CSRNP2: variants seen among roughly 807,000 people sequenced by gnomAD.
CSRNP2 encodes the protein cysteine and serine rich nuclear protein 2, also known as cysteine/serine-rich nuclear protein 2.
CSRNP2 carries 11 observed loss-of-function variants against 36.6 expected under a neutral mutation model. That is an observed-to-expected ratio of 0.30 (90% CI 0.19 to 0.50). The LOEUF is 0.50. CSRNP2 is among the 20% of genes least tolerant of loss of function. CSRNP2 has a pLI of 0.98. For synonymous variants in CSRNP2, 248 were observed against 275.3 expected, an observed-to-expected ratio of 0.90 and a Z score of 0.98; for missense variants, 483 against 691.4, an observed-to-expected ratio of 0.70 and a Z score of 3.38.
chr12:51,074,360 G>A (rs796899055), intron 2 of CSRNP2, among the ~76,000 whole-genome samples: 16 of 152,144 alleles, frequency 1.1e-4, no homozygotes, highest in Non-Finnish European at 1.5e-4. Flanking sequence ...CAGGTGATCC[G>A]CCCGCCCCGG....
chr12:51,065,991 C>T (rs1283390819), intron 4 of CSRNP2, among the ~76,000 whole-genome samples: 1 of 152,172 alleles, frequency 6.6e-6, no homozygotes, highest in Non-Finnish European at 1.5e-5. Flanking sequence ...TTGCTGTTTT[C>T]AACTGAAATG....
chr12:51,078,467 G>C (rs1939485810), intron 1 of CSRNP2, among the ~76,000 whole-genome samples: 1 of 152,144 alleles, frequency 6.6e-6, no homozygotes, highest in South Asian at 2.1e-4. Context: ...TATCAGTTTA[G>C]TTCTTCATGT....
rs777834044 is a variant in CSRNP2, at chr12:51,061,568, A to ATGTT, written c.*2174_*2177dup. ...CGCTTGACAAGACAGTTAATGCTAA[A>ATGTT]TGTTAATATTTAGCACTTAAAAGTT... On this transcript the variant is annotated 3_prime_UTR_variant, in exon 5 of 5. Coordinates refer to ENST00000228515, the MANE Select transcript of CSRNP2 (RefSeq NM_030809.3). 6.6e-6 allele frequency: 1 copy of ATGTT among 152,638 alleles called. No homozygotes were observed. Among genetic ancestry groups the ATGTT allele is most frequent in the African/African-American group, 2.4e-5 (1 of 41,436 alleles). 9.5% of individuals were successfully genotyped at this position (152,638 alleles called of 1,614,324 possible).
intron 1 of CSRNP2, among the ~76,000 whole-genome samples, chr12:51,081,833 C>G (rs542960176): frequency 4.9e-4 from 40 of 81,822 alleles, no homozygotes; most frequent in Non-Finnish European, 1.1e-3. Context: ...AACAAACAAA[C>G]AAACAACAAC....
chr12:51,075,448 G>C (rs1939355784), intron 2 of CSRNP2, among the ~76,000 whole-genome samples: 1 of 152,130 alleles, frequency 6.6e-6, no homozygotes, highest in African/African-American at 2.4e-5. Flanking sequence ...GCCACATATG[G>C]CAACTGGCTA....
At chr12:51,066,056 A>G (rs939506651) in intron 4 of CSRNP2, among the ~76,000 whole-genome samples, 4 of 152,228 alleles carry the variant, frequency 2.6e-5, no homozygotes, top group Admixed American at 6.5e-5. Context: ...ACGGTGGCTC[A>G]TGCCTGTAAT....
Position 51,061,675 on chromosome 12 carries a change from T to C in CSRNP2, c.*2071A>G, listed in dbSNP as rs1270074504. ...GAAACTACAGGTTTTCAGAAACATA[T>C]CTTGTGGGTTGGCAATGAGCTTAAT... is the stretch of plus-strand genomic sequence containing the variant. On this transcript the variant is annotated 3_prime_UTR_variant, in exon 5 of 5. Transcript: ENST00000228515. 1.3e-5 allele frequency: 2 copies of C among 152,258 alleles called. No individual in the cohort carries two copies. Among genetic ancestry groups the C allele is most frequent in the African/African-American group, 2.4e-5 (1 of 41,442 alleles). 9.4% of individuals were successfully genotyped at this position (152,258 alleles called of 1,614,324 possible).
chr12:51,071,099 TA>T (rs2136898673), intron 3 of CSRNP2, among the ~76,000 whole-genome samples: 1 of 151,974 alleles, frequency 6.6e-6, no homozygotes, highest in East Asian at 1.9e-4. Context: ...TCGTCTCTAC[TA>T]AAAATAAAAA....
Position 51,063,649 on chromosome 12 carries a change from GAGC to G in CSRNP2, c.*94_*96del. On this transcript the variant is annotated 3_prime_UTR_variant, in exon 5 of 5. Coordinates refer to ENST00000228515, the MANE Select transcript of CSRNP2 (RefSeq NM_030809.3). ...CAAAGACCCCAATAAAATAACATGG[GAGC>G]AGCAGCTGCTTCTACAGTTTTGTTT... The G allele has an allele frequency of 1.1e-6, 1 of 948,716 alleles. No individual in the cohort carries two copies. The highest frequency in any genetic ancestry group is 1.5e-6 in the Non-Finnish European group (1 of 658,830). 58.8% of individuals were successfully genotyped at this position (948,716 alleles called of 1,614,324 possible). A position where few individuals can be genotyped will look rare whatever the true frequency, so the allele number is the denominator to read the frequency against.
At chr12:51,073,347 C>CG (rs34058131) in intron 3 of CSRNP2, among the ~76,000 whole-genome samples, 15 of 151,882 alleles carry the variant, frequency 9.9e-5, no homozygotes. Context: ...GATGCAAAGA[C>CG]GGGAGTCTTG....
At chr12:51,079,195 G>A (rs1231249177) in intron 1 of CSRNP2, among the ~76,000 whole-genome samples, 1 of 152,078 alleles carries the variant, frequency 6.6e-6, no homozygotes, top group Non-Finnish European at 1.5e-5. Context: ...GACACAGGAT[G>A]GGGAACATCA....
intron 2 of CSRNP2, 85 bp from the exon 3 acceptor site, chr12:51,074,167 G>C (rs2136912643): frequency 1.4e-6 from 2 of 1,444,532 alleles, no homozygotes; most frequent in East Asian, 2.5e-5. Context: ...GCCCAGGCTG[G>C]AGTGCTGTGG....
At chr12:51,072,856 G>T (rs1939242203) in intron 3 of CSRNP2, among the ~76,000 whole-genome samples, 1 of 152,146 alleles carries the variant, frequency 6.6e-6, no homozygotes, top group South Asian at 2.1e-4. Flanking sequence ...ATTGAAAATT[G>T]TGCTTCCTTG....
chr12:51,073,727 G>GA (rs55789323), intron 3 of CSRNP2, 96 bp downstream of exon 3: 576 of 1,032,240 alleles, frequency 5.6e-4, no homozygotes, highest in African/African-American at 1.4e-3. Flanking sequence ...CTCTGTCCCA[G>GA]AAAAAAAAAA....
At chr12:51,069,137 G>T (rs950471402) in intron 3 of CSRNP2, among the ~76,000 whole-genome samples, 2 of 150,738 alleles carry the variant, frequency 1.3e-5, no homozygotes, top group Non-Finnish European at 3.0e-5. Context: ...CACCACGCCC[G>T]GCTAACTTTT....
At chr12:51,074,131 AT>A in intron 2 of CSRNP2, 49 bp from the exon 3 acceptor site, 1 of 1,558,998 alleles carries the variant, frequency 6.4e-7, no homozygotes. Context: ...CTATTTATTT[AT>A]TTAGAGATGG....
At chr12:51,065,354 T>C (rs1480033668) in intron 4 of CSRNP2, among the ~76,000 whole-genome samples, 2 of 152,174 alleles carry the variant, frequency 1.3e-5, no homozygotes, top group African/African-American at 4.8e-5. Flanking sequence ...TCTACCTCCT[T>C]ATCACTTTCA....
intron 2 of CSRNP2, 92 bp from the exon 3 acceptor site, chr12:51,074,174 G>C: frequency 7.1e-7 from 1 of 1,403,412 alleles, no homozygotes; most frequent in Middle Eastern, 2.6e-4. Context: ...CTGGAGTGCT[G>C]TGGCACTGTC....
chr12:51,071,307 G>C (rs541365453), intron 3 of CSRNP2, among the ~76,000 whole-genome samples: 108 of 150,252 alleles, frequency 7.2e-4, no homozygotes, highest in African/African-American at 2.5e-3. Flanking sequence ...ATGGTGGTGG[G>C]TGCAGCTGCA....
Sources: allele counts gnomAD v4.1 joint callset (sites outside exome capture counted in the v4.1 genomes callset), GRCh38; gene constraint gnomAD v4.1.1; transcripts MANE v1.5; gene names NCBI Gene and HGNC (gene_info 2026-07-23, HGNC 2026-07-21).